Variants in SENP7 observed in about 807,000 individuals in gnomAD.
SENP7 encodes the protein SUMO specific peptidase 7, also known as sentrin-specific protease 7.
In SENP7, 64 loss-of-function variants were observed where a neutral mutation model predicts 141.2. That is an observed-to-expected ratio of 0.45 (90% CI 0.37 to 0.56). The LOEUF is 0.56. SENP7 is among the 20% of genes least tolerant of loss of function. The pLI is 0.00. For missense variants in SENP7, 1,025 were observed against 1,212.2 expected, an observed-to-expected ratio of 0.85 and a Z score of 2.29; for synonymous variants, 382 against 426.4, an observed-to-expected ratio of 0.90 and a Z score of 1.28.
chr3:101,349,966 C>T (rs1054007415), intron 12 of SENP7, among the ~76,000 whole-genome samples: 1 of 152,074 alleles, frequency 6.6e-6, no homozygotes, highest in Admixed American at 6.6e-5. Context: ...GACTAGCTAG[C>T]TAATAAAATG....
chr3:101,375,515 G>A (rs13326777), intron 6 of SENP7, among the ~76,000 whole-genome samples: 56,327 of 140,270 alleles, frequency 0.4, 11,661 homozygotes, highest in Admixed American at 0.55. Context: ...GCACTCCAGC[G>A]TGGGCAACAA....
rs1039300368 is a variant in SENP7 at position 101,439,062 on chromosome 3, G to A, written c.284+19893C>T. The stretch of plus-strand genomic sequence containing the variant: ...GGAAAGTGAGGAGCGTCTCCGCCCG[G>A]CCGCCATCCCATCTAGGAAGTGAGG... On this transcript the variant is annotated intron_variant, in intron 4 of 23. Transcript: ENST00000394095. Among the ~76,000 whole-genome samples the A allele has an allele frequency of 8.5e-5, 11 of 129,630 alleles. No homozygotes were observed. In the Admixed American group the frequency reaches 8.9e-4, roughly 11 times the overall value. 85.0% of individuals were successfully genotyped at this position (129,630 alleles called of 152,430 possible).
rs567592348 is a variant in SENP7, at chr3:101,357,211, G to C, written c.1623+4504C>G. ...AGACAAGGTTTCACCATGTTGGTCAGGCTGGTCTCGCACTCCTGACCTCAG... is the reference window on the plus strand; with the variant it reads ...AGACAAGGTTTCACCATGTTGGTCACGCTGGTCTCGCACTCCTGACCTCAG... On this transcript the variant is annotated intron_variant, in intron 11 of 23. Transcript: ENST00000394095. 5 of 278,292 alleles carry C rather than the reference G, an allele frequency of 1.8e-5. No individual in the cohort carries two copies. The South Asian group carries it at 2.7e-4, about 15-fold the overall frequency. The allele number at this position is 278,292 out of a possible 1,614,324, so 17.2% of individuals were successfully genotyped here. A position where few individuals can be genotyped will look rare whatever the true frequency, so the allele number is the denominator to read the frequency against.
In SENP7 at chr3:101,325,777, C is replaced by T. The variant is rs2058884603; in HGVS notation, c.*166G>A. The T allele has an allele frequency of 2.1e-6, 1 of 470,704 alleles. No homozygotes were observed. Among genetic ancestry groups the T allele is most frequent in the Admixed American group, 4.3e-5 (1 of 23,356 alleles). 29.2% of individuals were successfully genotyped at this position (470,704 alleles called of 1,614,324 possible). ...CCATTCCCATTCCATCTATGAGATCCCAACAATTCTAATAATGTGTCCTAC... is the reference window on the plus strand; with the variant it reads ...CCATTCCCATTCCATCTATGAGATCTCAACAATTCTAATAATGTGTCCTAC... On this transcript the variant is annotated 3_prime_UTR_variant, in exon 24 of 24. Transcript: ENST00000394095.
intron 7 of SENP7, among the ~76,000 whole-genome samples, chr3:101,370,649 A>G (rs2107425934): frequency 6.6e-6 from 1 of 152,272 alleles, no homozygotes; most frequent in East Asian, 1.9e-4. Context: ...GGTTGAATCT[A>G]CAGATGCAGA....
chr3:101,371,281 T>C (rs971781721), intron 7 of SENP7, among the ~76,000 whole-genome samples: 1 of 152,058 alleles, frequency 6.6e-6, no homozygotes, highest in African/African-American at 2.4e-5. Context: ...CCAGCCTGGG[T>C]GACAGAGTGA....
At chr3:101,355,845 T>C (rs1034312330) in intron 11 of SENP7, among the ~76,000 whole-genome samples, 1 of 152,220 alleles carries the variant, frequency 6.6e-6, no homozygotes, top group African/African-American at 2.4e-5. Flanking sequence ...TCCATGAACA[T>C]GGAATGTTTT....
At chr3:101,354,956 TG>T (rs2059700822) in intron 11 of SENP7, among the ~76,000 whole-genome samples, 1 of 152,180 alleles carries the variant, frequency 6.6e-6, no homozygotes, top group Non-Finnish European at 1.5e-5. Flanking sequence ...GGTTTTGATT[TG>T]GATTTCTCTA....
chr3:101,385,969 T>C (rs1038590591), intron 6 of SENP7, among the ~76,000 whole-genome samples: 3 of 152,116 alleles, frequency 2.0e-5, no homozygotes, highest in African/African-American at 7.2e-5. Flanking sequence ...TGAAGAAAGA[T>C]CTGTGAAAGG....
intron 6 of SENP7, among the ~76,000 whole-genome samples, chr3:101,388,629 C>T (rs1453964123): frequency 1.3e-5 from 2 of 151,730 alleles, no homozygotes; most frequent in Admixed American, 6.6e-5. Context: ...AATAATTCTC[C>T]AATAACATAT....
chr3:101,485,974 G>C (rs1273635036), intron 3 of SENP7, among the ~76,000 whole-genome samples: 5 of 152,142 alleles, frequency 3.3e-5, no homozygotes, highest in African/African-American at 1.2e-4. Flanking sequence ...AAATGCTCTG[G>C]AAAGTCTCAG....
intron 3 of SENP7, among the ~76,000 whole-genome samples, chr3:101,468,809 A>T (rs2063862592): frequency 6.6e-6 from 1 of 152,196 alleles, no homozygotes; most frequent in African/African-American, 2.4e-5. Context: ...ATTAACGGGC[A>T]AAATAACCAG....
chr3:101,411,829 T>C (rs549825022), intron 5 of SENP7, among the ~76,000 whole-genome samples: 7 of 152,334 alleles, frequency 4.6e-5, no homozygotes, highest in Non-Finnish European at 1.0e-4. Flanking sequence ...TTTTATTTAC[T>C]AATACTATGA....
chr3:101,501,150 T>C lies in SENP7; in HGVS notation c.41-31A>G, dbSNP rs932761579. On this transcript the variant is annotated intron_variant, in intron 1 of 23. Coordinates refer to ENST00000394095, the MANE Select transcript of SENP7 (RefSeq NM_020654.5). ...AAAACCAAAGACGTGGTAAAAATTA[T>C]CGTTTAACATCTAAATGAGATAAAC... is the stretch of plus-strand genomic sequence containing the variant. The C allele has an allele frequency of 3.5e-6, 5 of 1,444,976 alleles. No individual in the cohort carries two copies. In the African/African-American group the frequency reaches 7.0e-5, roughly 20 times the overall value. The allele number at this position is 1,444,976 out of a possible 1,614,324, so 89.5% of individuals were successfully genotyped here.
intron 1 of SENP7, 117 bp from the exon 2 acceptor site, chr3:101,501,236 A>G (rs1027293529): frequency 1.3e-5 from 9 of 688,658 alleles, no homozygotes; most frequent in African/African-American, 1.3e-4. Flanking sequence ...TGTTAGATTT[A>G]GAATTTACAC....
intron 5 of SENP7, among the ~76,000 whole-genome samples, chr3:101,405,684 C>T (rs1006339329): frequency 6.6e-6 from 1 of 152,010 alleles, no homozygotes; most frequent in Non-Finnish European, 1.5e-5. Context: ...AAAAATGATA[C>T]AAGAGGTGAA....
At chr3:101,367,730 A>G (rs2107401216) in intron 8 of SENP7, 100 bp downstream of exon 8, 2 of 733,754 alleles carry the variant, frequency 2.7e-6, no homozygotes, top group South Asian at 5.1e-5. Context: ...AAATCTCATA[A>G]TAAAAGCTGA....
chr3:101,343,653 C>T, intron 14 of SENP7, 33 bp downstream of exon 14: 2 of 1,568,760 alleles, frequency 1.3e-6, no homozygotes, highest in Non-Finnish European at 1.7e-6. Flanking sequence ...GAACCTCCCC[C>T]TTCTCTGCCA....
At chr3:101,335,640 C>A (rs2107145962) in intron 17 of SENP7, among the ~76,000 whole-genome samples, 1 of 152,176 alleles carries the variant, frequency 6.6e-6, no homozygotes, top group East Asian at 1.9e-4. Flanking sequence ...ACTAATACAG[C>A]AGAATCTATC....
Sources: allele counts gnomAD v4.1 joint callset (sites outside exome capture counted in the v4.1 genomes callset), GRCh38; gene constraint gnomAD v4.1.1; transcripts MANE v1.5; gene names NCBI Gene and HGNC (gene_info 2026-07-23, HGNC 2026-07-21).